The following GRIK2 variants were observed in gnomAD, a reference collection of about 807,000 sequenced individuals.
The protein encoded by GRIK2 is glutamate receptor ionotropic, kainate 2.
A neutral mutation model predicts 100.3 loss-of-function variants in GRIK2; 32 were observed. The observed-to-expected ratio is 0.32, with a 90% CI of 0.24 to 0.43. The LOEUF (loss-of-function observed/expected upper bound fraction) is 0.43, where lower values mean the gene tolerates loss of function less well. Among genes scored for constraint, GRIK2 ranks in the 20% least tolerant of loss-of-function variants. The pLI, the probability that GRIK2 is intolerant of heterozygous loss-of-function variation, is 1.00. For missense variants in GRIK2, 843 were observed against 1,114.9 expected, an observed-to-expected ratio of 0.76 and a Z score of 3.47; for synonymous variants, 417 against 389.4, an observed-to-expected ratio of 1.07 and a Z score of -0.83.
At position 101,436,554 on chromosome 6, in the gene GRIK2, C is replaced by G. The variant is rs185954052; in HGVS notation, c.115+37162C>G. ...TTAGATCCTATGATTTATGTTACCC[C>G]CACTCTTACTGGAGCAAGATTTTTA... On this transcript the variant is annotated intron_variant, in intron 2 of 16. Transcript: ENST00000369134. Among the ~76,000 whole-genome samples the G allele has an allele frequency of 3.9e-5, 6 of 151,944 alleles. No individual in the cohort carries two copies. The East Asian group carries it at 1.2e-3, about 29-fold the overall frequency.
At chr6:102,040,341 T>C (rs1770498579) in intron 15 of GRIK2, among the ~76,000 whole-genome samples, 1 of 151,538 alleles carries the variant, frequency 6.6e-6, no homozygotes, top group Non-Finnish European at 1.5e-5. Flanking sequence ...CTTTACAAGC[T>C]AATGCTTTAA....
intron 12 of GRIK2, among the ~76,000 whole-genome samples, chr6:101,912,308 G>A (rs1788777362): frequency 6.6e-6 from 1 of 151,282 alleles, no homozygotes; most frequent in Non-Finnish European, 1.5e-5. Context: ...CGTTTTCAAG[G>A]CAGCAAAAAA....
chr6:101,626,762 A>T, intron 4 of GRIK2, 125 bp downstream of exon 4: 2 of 731,258 alleles, frequency 2.7e-6, no homozygotes, highest in Non-Finnish European at 4.5e-6. Flanking sequence ...GCTAAGGGGT[A>T]GAAAGACAGA....
intron 4 of GRIK2, among the ~76,000 whole-genome samples, chr6:101,643,418 A>C (rs1395319075): frequency 3.3e-5 from 5 of 151,222 alleles, no homozygotes; most frequent in Non-Finnish European, 5.9e-5. Context: ...TAAGAGTCCA[A>C]CTTTATTCTT....
intron 2 of GRIK2, among the ~76,000 whole-genome samples, chr6:101,428,151 C>T (rs945652754): frequency 3.3e-5 from 5 of 152,170 alleles, no homozygotes; most frequent in African/African-American, 1.2e-4. Flanking sequence ...ACCAGACCAA[C>T]ACACAGTAAT....
intron 14 of GRIK2, among the ~76,000 whole-genome samples, chr6:101,939,547 G>A (rs187208693): frequency 6.6e-6 from 1 of 152,100 alleles, no homozygotes; most frequent in East Asian, 1.9e-4. Context: ...CCTGATTTTA[G>A]ATTATTAATA....
At chr6:102,042,968 G>A (rs1276899118) in intron 15 of GRIK2, among the ~76,000 whole-genome samples, 1 of 151,486 alleles carries the variant, frequency 6.6e-6, no homozygotes, top group Non-Finnish European at 1.5e-5. Context: ...TTTTTCACAA[G>A]TTAGAGGATA....
chr6:101,907,892 A>G (rs2518210), intron 12 of GRIK2, among the ~76,000 whole-genome samples: 151,145 of 151,660 alleles, frequency 1, 75,316 homozygotes, highest in Middle Eastern at 1. Context: ...TTAAGTAGAC[A>G]CTAATCTTTG....
At chr6:101,727,846 A>G (rs1360779981) in intron 7 of GRIK2, among the ~76,000 whole-genome samples, 1 of 152,068 alleles carries the variant, frequency 6.6e-6, no homozygotes, top group Non-Finnish European at 1.5e-5. Context: ...TATAATTGAG[A>G]GTTATCTATG....
At chr6:101,579,442 T>C (rs932232980) in intron 2 of GRIK2, among the ~76,000 whole-genome samples, 32 of 152,030 alleles carry the variant, frequency 2.1e-4, no homozygotes, top group African/African-American at 7.2e-4. Flanking sequence ...TTTTATTTCT[T>C]TTTTTTCTTT....
Position 101,621,935 on chromosome 6 carries a change from T to C in GRIK2, c.116-14T>C. ...TCTTGTAAAATTTATGATTTTTCTC[T>C]TTCTTTTTGCCAGGTGGTATTTTTG... On this transcript the variant is annotated splice_polypyrimidine_tract_variant and intron_variant, in intron 2 of 16. Coordinates refer to ENST00000369134, the MANE Select transcript of GRIK2 (RefSeq NM_021956.5). 4.5e-6 allele frequency: 7 copies of C among 1,572,922 alleles called. No homozygotes were observed. The highest frequency in any genetic ancestry group is 6.1e-6 in the Non-Finnish European group (7 of 1,144,900).
rs539513789 is a variant in GRIK2, at chr6:101,667,443, A to G, written c.542-9180A>G. Among the ~76,000 whole-genome samples the G allele has an allele frequency of 1.2e-4, 18 of 152,348 alleles. No homozygotes were observed. In the South Asian group the frequency reaches 3.7e-3, roughly 32 times the overall value. On this transcript the variant is annotated intron_variant, in intron 4 of 16. Coordinates refer to ENST00000369134, the MANE Select transcript of GRIK2 (RefSeq NM_021956.5). Reference sequence around the variant, plus strand: ...ATTCTAAGTGTGTACACACATACACATGTACATGTATTAAGTGTCAAAGTG... The same window carrying G: ...ATTCTAAGTGTGTACACACATACACGTGTACATGTATTAAGTGTCAAAGTG...
At chr6:102,051,602 T>C (rs1016654828) in intron 15 of GRIK2, among the ~76,000 whole-genome samples, 21 of 152,246 alleles carry the variant, frequency 1.4e-4, no homozygotes, top group African/African-American at 4.6e-4. Context: ...AAATATTTCA[T>C]ATGATCTGAC....
chr6:101,571,357 A>G (rs1000915294), intron 2 of GRIK2, among the ~76,000 whole-genome samples: 2 of 152,112 alleles, frequency 1.3e-5, no homozygotes, highest in African/African-American at 2.4e-5. Flanking sequence ...GATTAGTAAC[A>G]TAAAAAAAGA....
At chr6:101,645,569 A>G (rs1378666705) in intron 4 of GRIK2, among the ~76,000 whole-genome samples, 1 of 151,980 alleles carries the variant, frequency 6.6e-6, no homozygotes. Flanking sequence ...CCTTCAAAAT[A>G]TAAACCATTT....
At position 101,832,808 on chromosome 6, in the gene GRIK2, C is replaced by A. The variant is rs182045532; in HGVS notation, c.1317+14325C>A. Among the ~76,000 whole-genome samples, 35 of 152,200 alleles carry A rather than the reference C, an allele frequency of 2.3e-4. No individual in the cohort carries two copies. The East Asian group carries it at 6.8e-3, about 29-fold the overall frequency. On this transcript the variant is annotated intron_variant, in intron 10 of 16. Transcript: ENST00000369134. Reference sequence around the variant, plus strand: ...TTTTGGCTTTAGAGTTCAAATAATTCAAATTATCTGCAAATCTGTAATCAA... The same window carrying A: ...TTTTGGCTTTAGAGTTCAAATAATTAAAATTATCTGCAAATCTGTAATCAA...
chr6:102,036,925 A>C (rs989032956), intron 15 of GRIK2, among the ~76,000 whole-genome samples: 1 of 151,448 alleles, frequency 6.6e-6, no homozygotes, highest in African/African-American at 2.4e-5. Context: ...AGTAATATCT[A>C]ATAATGCTGT....
chr6:101,842,239 C>T (rs762997738), intron 10 of GRIK2, among the ~76,000 whole-genome samples: 2 of 152,030 alleles, frequency 1.3e-5, no homozygotes, highest in East Asian at 1.9e-4. Flanking sequence ...CACCATTCCT[C>T]TTCTTCAGGC....
chr6:101,942,098 T>TA (rs202014256), intron 14 of GRIK2, among the ~76,000 whole-genome samples: 32 of 151,314 alleles, frequency 2.1e-4, no homozygotes, highest in Admixed American at 5.3e-4. Context: ...TATGTTAGGT[T>TA]AAAAAAAAAC....
Sources: allele counts gnomAD v4.1 joint callset (sites outside exome capture counted in the v4.1 genomes callset), GRCh38; gene constraint gnomAD v4.1.1; transcripts MANE v1.5; gene names NCBI Gene and HGNC (gene_info 2026-07-23, HGNC 2026-07-21).